The following HNRNPA3 variants were observed in gnomAD, a reference collection of about 807,000 sequenced individuals.
HNRNPA3 encodes epididymis secretory sperm binding protein.
Under a neutral mutation model 45.8 loss-of-function variants are expected in HNRNPA3, and 3 were observed. The observed-to-expected ratio is 0.07, with a 90% CI of 0.03 to 0.17. The LOEUF is 0.17. Ranked by LOEUF, HNRNPA3 falls within the 10% of genes least tolerant of loss-of-function variation. HNRNPA3 has a pLI of 1.00. For missense variants in HNRNPA3, 183 were observed against 480.3 expected, an observed-to-expected ratio of 0.38 and a Z score of 5.79; for synonymous variants, 170 against 155.6, an observed-to-expected ratio of 1.09 and a Z score of -0.69.
intron 1 of HNRNPA3, among the ~76,000 whole-genome samples, chr2:177,213,186 G>C (rs367658951): frequency 2.6e-4 from 39 of 152,028 alleles, no homozygotes; most frequent in Middle Eastern, 3.2e-3. Context: ...CGGCGGGAGC[G>C]GTTGGGAGGA....
downstream of HNRNPA3, chr2:177,220,626 GC>G (rs1198067767): frequency 6.6e-6 from 1 of 152,608 alleles, no homozygotes; most frequent in African/African-American, 2.4e-5. Context: ...TAACCTAACT[GC>G]AGCAGAAATG....
chr2:177,213,236 G>C (rs1688763730), intron 1 of HNRNPA3, among the ~76,000 whole-genome samples: 1 of 152,220 alleles, frequency 6.6e-6, no homozygotes, highest in South Asian at 2.1e-4. Context: ...GCACATCCGG[G>C]CGAGCGAGCA....
At chr2:177,223,637 C>G (rs1001828779), downstream of HNRNPA3, 1 of 152,096 alleles carries the variant, frequency 6.6e-6, no homozygotes, top group African/African-American at 2.4e-5. Flanking sequence ...CTTGGGAGTT[C>G]CAGTAATGTC....
chr2:177,222,942 TC>T (rs1306524864), downstream of HNRNPA3: 1 of 152,646 alleles, frequency 6.6e-6, no homozygotes, highest in African/African-American at 2.4e-5. Flanking sequence ...TAATTACTGC[TC>T]CTTTGTAAAA....
At chr2:177,218,959 A>G in intron 8 of HNRNPA3, 78 bp from the exon 9 acceptor site, 2 of 1,547,216 alleles carry the variant, frequency 1.3e-6, no homozygotes, top group Admixed American at 1.8e-5. Context: ...AATTCTCAAA[A>G]GATAATAGTT....
At chr2:177,218,574 T>C (rs138546942) in intron 8 of HNRNPA3, among the ~76,000 whole-genome samples, 1 of 152,358 alleles carries the variant, frequency 6.6e-6, no homozygotes, top group East Asian at 1.9e-4. Flanking sequence ...GTTAACAAAG[T>C]ACTTTGGGTC....
At chr2:177,218,213 C>T (rs914733988) in intron 8 of HNRNPA3, among the ~76,000 whole-genome samples, 6 of 151,988 alleles carry the variant, frequency 3.9e-5, no homozygotes, top group Non-Finnish European at 1.5e-5. Context: ...AGGCGTATGC[C>T]AGCACGCCCG....
chr2:177,212,855 G>A, exon 1 of HNRNPA3: 1 of 1,531,802 alleles, frequency 6.5e-7, no homozygotes, highest in East Asian at 2.5e-5. Flanking sequence ...CGTCGCCGTC[G>A]CCGCCGGGGG....
downstream of HNRNPA3, chr2:177,223,581 T>TGAGGGC (rs1302783478): frequency 6.6e-6 from 1 of 152,234 alleles, no homozygotes; most frequent in Non-Finnish European, 1.5e-5. Context: ...GGCTTGGTTT[T>TGAGGGC]AAGAGTTCCA....
At chr2:177,213,258 G>C (rs1358140209) in intron 1 of HNRNPA3, among the ~76,000 whole-genome samples, 1 of 152,194 alleles carries the variant, frequency 6.6e-6, no homozygotes, top group East Asian at 1.9e-4. Context: ...GCGGGCGGCG[G>C]CCACATTGAC....
At chr2:177,220,684 T>C (rs1215067659), downstream of HNRNPA3, 1 of 152,646 alleles carries the variant, frequency 6.6e-6, no homozygotes, top group East Asian at 1.9e-4. Flanking sequence ...CAGACCTGAA[T>C]TCAAATTTGG....
downstream of HNRNPA3, chr2:177,220,797 GAAGAGTTTTAGTTAAT>G (rs1689158929): frequency 6.6e-6 from 1 of 152,624 alleles, no homozygotes; most frequent in South Asian, 2.1e-4. Flanking sequence ...CCCTGGTTGA[GAAGAGTTTTAGTTAAT>G]AAGGTCATAT....
At chr2:177,223,297 CTTTCTAG>C (rs963370900), downstream of HNRNPA3, 22 of 150,954 alleles carry the variant, frequency 1.5e-4, no homozygotes, top group African/African-American at 5.3e-4. Context: ...GGGCATTGTT[CTTTCTAG>C]TTTATTTCTT....
At chr2:177,218,735 C>T (rs1195100662) in intron 8 of HNRNPA3, among the ~76,000 whole-genome samples, 1 of 152,178 alleles carries the variant, frequency 6.6e-6, no homozygotes, top group Non-Finnish European at 1.5e-5. Context: ...GAAGTTTTAA[C>T]AAGTTAGAAT....
intron 8 of HNRNPA3, among the ~76,000 whole-genome samples, 160 bp downstream of exon 8, chr2:177,218,005 T>A (rs1472294174): frequency 2.0e-5 from 3 of 152,078 alleles, no homozygotes; most frequent in African/African-American, 7.2e-5. Flanking sequence ...TTCTTGACTT[T>A]GCTGGTTATT....
chr2:177,218,052 CTTTTTTTTTTT>C (rs58476089), intron 8 of HNRNPA3, among the ~76,000 whole-genome samples: 68,821 of 104,182 alleles, frequency 0.66, 21,582 homozygotes, highest in South Asian at 0.77. Context: ...TCTCTTTTTT[CTTTTTTTTTTT>C]TTTTTTTTTT....
chr2:177,220,222 C>G (rs191872996), downstream of HNRNPA3: 1 of 152,614 alleles, frequency 6.6e-6, no homozygotes, highest in South Asian at 2.1e-4. Context: ...TAGAACATCT[C>G]TATTCTACAT....
chr2:177,217,990 A>G (rs936513491), intron 8 of HNRNPA3, 145 bp downstream of exon 8: 25 of 692,656 alleles, frequency 3.6e-5, no homozygotes, highest in Middle Eastern at 3.1e-4. Context: ...AGTTCAAACC[A>G]AATTTTCTTG....
intron 1 of HNRNPA3, among the ~76,000 whole-genome samples, chr2:177,213,734 T>A (rs1688795394): frequency 6.6e-6 from 1 of 152,238 alleles, no homozygotes; most frequent in Non-Finnish European, 1.5e-5. Flanking sequence ...GAGTATAGTA[T>A]GTTAAGGAAG....
Sources: allele counts gnomAD v4.1 joint callset (sites outside exome capture counted in the v4.1 genomes callset), GRCh38; gene constraint gnomAD v4.1.1; transcripts MANE v1.5; gene names NCBI Gene and HGNC (gene_info 2026-07-23, HGNC 2026-07-21).